Variants in BTBD10 observed in about 807,000 individuals in gnomAD.
BTBD10 encodes the protein BTB domain containing 10, also known as BTB/POZ domain-containing protein 10.
A neutral mutation model predicts 53.2 loss-of-function variants in BTBD10; 21 were observed. That is an observed-to-expected ratio of 0.39 (90% CI 0.28 to 0.57). The LOEUF is 0.57. BTBD10 is among the 20% of genes least tolerant of loss of function. The pLI, the probability that BTBD10 is intolerant of heterozygous loss-of-function variation, is 0.53. For missense variants in BTBD10, 360 were observed against 594.7 expected (o/e 0.61, Z 4.10); for synonymous variants, 149 against 192.7 (o/e 0.77, Z 1.88).
chr11:13,429,523 C>T (rs1425423539), intron 2 of BTBD10, among the ~76,000 whole-genome samples: 1 of 151,712 alleles, frequency 6.6e-6, no homozygotes, highest in African/African-American at 2.4e-5. Context: ...TCAACAAGGG[C>T]TCAAACACAA....
rs1565247006 is a variant in BTBD10 at position 13,419,536 on chromosome 11, T to C, written c.508A>G (p.Thr170Ala). The change falls in exon 4 of 9, where the codon ACA becomes GCA. Residue 170 changes from threonine to alanine, a missense_variant. By Grantham distance (58) the Thr-to-Ala change is moderately conservative (BLOSUM62 0). Transcript: ENST00000278174. ...AATCTAGTGTTATCCACTATTAGTG[T>C]CACTCGTTCTGACGTTCTTATATTC... ...ARNIRTSERVTLIVDNTRFVV... is the reference protein window; with the variant it reads ...ARNIRTSERVALIVDNTRFVV... The C allele has an allele frequency of 6.2e-7, 1 of 1,614,160 alleles. No homozygotes were observed.
intron 1 of BTBD10, among the ~76,000 whole-genome samples, chr11:13,458,730 T>G (rs540188293): frequency 6.6e-6 from 1 of 152,316 alleles, no homozygotes; most frequent in Admixed American, 6.5e-5. Flanking sequence ...TTTGGAAAAC[T>G]AAGTAAGAAA....
At chr11:13,409,253 C>T (rs1949890930) in intron 6 of BTBD10, among the ~76,000 whole-genome samples, 1 of 152,144 alleles carries the variant, frequency 6.6e-6, no homozygotes, top group Non-Finnish European at 1.5e-5. Context: ...ATTTTTATTT[C>T]CAATGAAAGT....
intron 1 of BTBD10, among the ~76,000 whole-genome samples, chr11:13,459,500 G>T (rs1229203667): frequency 6.6e-6 from 1 of 152,102 alleles, no homozygotes; most frequent in African/African-American, 2.4e-5. Flanking sequence ...AATTTTAATA[G>T]TTCTTTCTCC....
chr11:13,434,734 C>T (rs533975271), intron 2 of BTBD10, among the ~76,000 whole-genome samples: 1 of 152,210 alleles, frequency 6.6e-6, no homozygotes, highest in South Asian at 2.1e-4. Context: ...AACCAGGAGA[C>T]CATTTCAGAT....
chr11:13,418,992 A>T (rs11022812), intron 4 of BTBD10, among the ~76,000 whole-genome samples: 83,829 of 135,576 alleles, frequency 0.62, 25,645 homozygotes, highest in Middle Eastern at 0.73. Flanking sequence ...TTTTTTTTTT[A>T]AAAGTATCTA....
At chr11:13,398,305 T>G (rs1949612594) in intron 8 of BTBD10, among the ~76,000 whole-genome samples, 2 of 152,022 alleles carry the variant, frequency 1.3e-5, no homozygotes, top group African/African-American at 4.8e-5. Flanking sequence ...AATGGCCTTC[T>G]TTGTCTCTTT....
intron 1 of BTBD10, among the ~76,000 whole-genome samples, chr11:13,453,570 T>C (rs1032630630): frequency 1.3e-5 from 2 of 152,220 alleles, no homozygotes; most frequent in Admixed American, 6.5e-5. Flanking sequence ...ACTGCTTAAG[T>C]GTAGTTTTGT....
intron 8 of BTBD10, among the ~76,000 whole-genome samples, chr11:13,399,740 T>C (rs972082622): frequency 5.3e-5 from 8 of 152,234 alleles, no homozygotes; most frequent in Non-Finnish European, 1.2e-4. Flanking sequence ...GGATGTCCTT[T>C]CTGTTTGTTA....
chr11:13,433,663 T>C (rs994147764), intron 2 of BTBD10, among the ~76,000 whole-genome samples: 13 of 152,204 alleles, frequency 8.5e-5, no homozygotes, highest in African/African-American at 3.1e-4. Context: ...TAAAGTATTA[T>C]TGGAACACAG....
At chr11:13,411,050 T>C (rs1014879868) in intron 6 of BTBD10, among the ~76,000 whole-genome samples, 2 of 152,088 alleles carry the variant, frequency 1.3e-5, no homozygotes, top group African/African-American at 4.8e-5. Flanking sequence ...GTTTACTACA[T>C]AGAGAAAGGG....
chr11:13,445,557 C>T (rs1292800008), intron 1 of BTBD10, among the ~76,000 whole-genome samples: 1 of 152,082 alleles, frequency 6.6e-6, no homozygotes, highest in Non-Finnish European at 1.5e-5. Context: ...GAACATATTT[C>T]CTAATTACTA....
intron 8 of BTBD10, among the ~76,000 whole-genome samples, chr11:13,401,553 G>A (rs933280171): frequency 5.9e-5 from 9 of 152,196 alleles, no homozygotes; most frequent in East Asian, 1.9e-4. Context: ...GATAATAGTC[G>A]CCATGTAGAG....
In BTBD10 at chr11:13,388,645, A is replaced by C. The variant is rs1360585045; in HGVS notation, c.*186T>G. ...TTTACAACTGGAACTTCAAAATGCT[A>C]GAGTTGTACTCATTTAAAAAAAAAC... is the stretch of plus-strand genomic sequence containing the variant. On this transcript the variant is annotated 3_prime_UTR_variant, in exon 9 of 9. Coordinates refer to ENST00000278174, the MANE Select transcript of BTBD10 (RefSeq NM_032320.7). 1.1e-5 allele frequency: 6 copies of C among 556,262 alleles called. No homozygotes were observed. Among genetic ancestry groups the C allele is most frequent in the Non-Finnish European group, 1.8e-5 (6 of 327,364 alleles). 34.5% of individuals were successfully genotyped at this position (556,262 alleles called of 1,614,324 possible). A position where few individuals can be genotyped will look rare whatever the true frequency, so the allele number is the denominator to read the frequency against.
chr11:13,407,158 T>G (rs1345013952), intron 6 of BTBD10, among the ~76,000 whole-genome samples: 1 of 152,174 alleles, frequency 6.6e-6, no homozygotes, highest in Non-Finnish European at 1.5e-5. Context: ...CCCTGTTTTT[T>G]TCCTCCCACT....
intron 2 of BTBD10, among the ~76,000 whole-genome samples, chr11:13,441,697 C>A (rs927639596): frequency 2.6e-5 from 4 of 151,932 alleles, no homozygotes; most frequent in African/African-American, 9.7e-5. Context: ...TCAGGCTATT[C>A]CAAAACATAA....
intron 8 of BTBD10, among the ~76,000 whole-genome samples, chr11:13,400,248 G>A (rs1447678210): frequency 2.6e-5 from 4 of 152,236 alleles, no homozygotes; most frequent in East Asian, 3.9e-4. Flanking sequence ...GAGCAATGGC[G>A]GGTGCCCCTC....
chr11:13,407,616 G>A (rs182595597), intron 6 of BTBD10, among the ~76,000 whole-genome samples: 2 of 152,278 alleles, frequency 1.3e-5, no homozygotes, highest in South Asian at 2.1e-4. Context: ...CTTGAATTGT[G>A]TTATTTCCTT....
intron 2 of BTBD10, among the ~76,000 whole-genome samples, chr11:13,432,778 G>C (rs2134001394): frequency 6.6e-6 from 1 of 151,922 alleles, no homozygotes; most frequent in East Asian, 1.9e-4. Context: ...AGAAAATACT[G>C]AATATATCCT....
Sources: gnomAD v4.1 joint callset for allele counts (sites outside exome capture counted in the v4.1 genomes callset) on GRCh38, gnomAD v4.1.1 for gene constraint, MANE v1.5 for transcripts, NCBI Gene and HGNC (gene_info 2026-07-23, HGNC 2026-07-21) for gene names.